Variants in TRIP13 observed in about 807,000 individuals in gnomAD.
The protein encoded by TRIP13 is thyroid hormone receptor interactor 13.
In TRIP13, 25 loss-of-function variants were observed where a neutral mutation model predicts 54.4. That is an observed-to-expected ratio of 0.46 (90% CI 0.33 to 0.64). The LOEUF is 0.64. Among genes scored for constraint, TRIP13 ranks in the 30% least tolerant of loss-of-function variants. The pLI, the probability that TRIP13 is intolerant of heterozygous loss-of-function variation, is 0.02. For synonymous variants in TRIP13, 207 were observed against 207.8 expected (o/e 1.00, Z 0.03); for missense variants, 373 against 534.2 (o/e 0.70, Z 2.97).
rs1039272970 is a variant in TRIP13, at chr5:912,380, C to T, written c.1020+384C>T. 3.3e-5 allele frequency among the ~76,000 whole-genome samples: 5 copies of T among 152,134 alleles called. No individual in the cohort carries two copies. Among genetic ancestry groups the T allele is most frequent in the Admixed American group, 6.5e-5 (1 of 15,276 alleles). ...TCCTTACCTGAAAGAGGAAACATCA[C>T]GGGCGTAGTATGGGCCTGGTTTTGG... On this transcript the variant is annotated intron_variant, in intron 10 of 12. Coordinates refer to ENST00000166345, the MANE Select transcript of TRIP13 (RefSeq NM_004237.4). The surrounding 1 kb of genome is among the most constrained non-coding windows in gnomAD (Gnocchi z 7.2).
In TRIP13 at chr5:908,301, G is replaced by T. The variant is rs1478196994; in HGVS notation, c.760-54G>T. The T allele has an allele frequency of 3.8e-6, 6 of 1,583,674 alleles. No individual in the cohort carries two copies. The Admixed American group carries it at 8.3e-5, about 22-fold the overall frequency. On this transcript the variant is annotated intron_variant, in intron 8 of 12. Coordinates refer to ENST00000166345, the MANE Select transcript of TRIP13 (RefSeq NM_004237.4). This position sits in a 1 kb window ranked among gnomAD's most constrained non-coding sequence, Gnocchi z 5.2. ...CTCAGCGGGACGTATCCCCATAGCT[G>T]CCTGTGAAGTGCCAGGCCCTGTCCT...
In TRIP13 at chr5:916,920, A is replaced by C. The variant is rs1754353084; in HGVS notation, c.1204-88A>C. On this transcript the variant is annotated intron_variant, in intron 12 of 12. Transcript: ENST00000166345. ...TACCACCCCCTTCTGTGCTATCTGC[A>C]CTGTGGGTGGCGGCAGGGGCTGTGG... 6.0e-6 allele frequency: 7 copies of C among 1,173,688 alleles called. No individual in the cohort carries two copies. The Admixed American group carries it at 1.4e-4, about 24-fold the overall frequency. 72.7% of individuals were successfully genotyped at this position (1,173,688 alleles called of 1,614,324 possible).
chr5:905,848 T>C (rs1754103645), intron 6 of TRIP13, among the ~76,000 whole-genome samples: 1 of 152,264 alleles, frequency 6.6e-6, no homozygotes, highest in Non-Finnish European at 1.5e-5. Context: ...AATTGCTTTA[T>C]TTTGACCCCT....
At chr5:895,489 A>G (rs1753894322) in intron 2 of TRIP13, among the ~76,000 whole-genome samples, 1 of 126,310 alleles carries the variant, frequency 7.9e-6, no homozygotes, top group Non-Finnish European at 1.6e-5. Context: ...CCTAAGGAAG[A>G]CTTATCACTT....
intron 6 of TRIP13, among the ~76,000 whole-genome samples, chr5:906,221 A>T (rs2150687006): frequency 6.6e-6 from 1 of 152,334 alleles, no homozygotes; most frequent in South Asian, 2.1e-4. Flanking sequence ...CTAGGGGCAG[A>T]GAGGGCAACA....
Position 913,877 on chromosome 5 carries a change from G to T in TRIP13, c.1021-588G>T, listed in dbSNP as rs1160742627. 1.8e-4 allele frequency among the ~76,000 whole-genome samples: 27 copies of T among 152,176 alleles called. No individual in the cohort carries two copies. The highest frequency in any genetic ancestry group is 1.8e-3 in the Admixed American group (27 of 15,282). On this transcript the variant is annotated intron_variant, in intron 10 of 12. Transcript: ENST00000166345. The surrounding 1 kb of genome is among the most constrained non-coding windows in gnomAD (Gnocchi z 4.5). ...TCAGAACGGTTCGTATTAGAATTCA[G>T]TCATAGTAAGTCAGTGTGCGCACCT... is the stretch of plus-strand genomic sequence containing the variant.
intron 11 of TRIP13, among the ~76,000 whole-genome samples, chr5:914,917 G>A (rs538761571): frequency 1.3e-5 from 2 of 152,300 alleles, no homozygotes; most frequent in African/African-American, 4.8e-5. Flanking sequence ...GGGTGGAAGG[G>A]AAGGTAGGAA....
At position 912,440 on chromosome 5, in the gene TRIP13, G is replaced by T. The variant is rs970538600; in HGVS notation, c.1020+444G>T. ...CCACATGACGTCACGTTCTTGAGTC[G>T]CCTGTTGTGATGATAGGCAGGAACA... On this transcript the variant is annotated intron_variant, in intron 10 of 12. Coordinates refer to ENST00000166345, the MANE Select transcript of TRIP13 (RefSeq NM_004237.4). The surrounding 1 kb of genome is among the most constrained non-coding windows in gnomAD (Gnocchi z 7.2). Among the ~76,000 whole-genome samples the T allele has an allele frequency of 1.3e-5, 2 of 152,118 alleles. No homozygotes were observed. Among genetic ancestry groups the T allele is most frequent in the Non-Finnish European group, 2.9e-5 (2 of 68,032 alleles).
Position 893,104 on chromosome 5 carries a change from G to C in TRIP13, c.92+14G>C, listed in dbSNP as rs1362200174. The C allele has an allele frequency of 3.2e-6, 5 of 1,578,928 alleles. No individual in the cohort carries two copies. The South Asian group carries it at 5.8e-5, about 18-fold the overall frequency. On this transcript the variant is annotated intron_variant, in intron 1 of 12. Transcript: ENST00000166345. Reference sequence around the variant, plus strand: ...GCGCGGCAGCAGGTGAGCCGGACCTGTCCGACACATCCTCTGGGCACCCAC... The same window carrying C: ...GCGCGGCAGCAGGTGAGCCGGACCTCTCCGACACATCCTCTGGGCACCCAC...
At position 914,462 on chromosome 5, in the gene TRIP13, C is replaced by A; in HGVS notation, c.1021-3C>A. ...CTAACCGCCTGTACTTCTGTCTCCCCAGTGTCAGATCATATACCCTCGCCA... is the reference window on the plus strand; with the variant it reads ...CTAACCGCCTGTACTTCTGTCTCCCAAGTGTCAGATCATATACCCTCGCCA... On this transcript the variant is annotated splice_region_variant and splice_polypyrimidine_tract_variant and intron_variant, in intron 10 of 12. Coordinates refer to ENST00000166345, the MANE Select transcript of TRIP13 (RefSeq NM_004237.4). The A allele has an allele frequency of 6.2e-7, 1 of 1,608,376 alleles. No individual in the cohort carries two copies. Among genetic ancestry groups the A allele is most frequent in the South Asian group, 1.1e-5 (1 of 90,926 alleles).
rs1754169246 is a variant in TRIP13, at chr5:908,716, T to C, written c.866+255T>C. 3.3e-6 allele frequency: 4 copies of C among 1,199,914 alleles called. No individual in the cohort carries two copies. In the Admixed American group the frequency reaches 1.0e-4, roughly 31 times the overall value. The allele number at this position is 1,199,914 out of a possible 1,614,324, so 74.3% of individuals were successfully genotyped here. Reference sequence around the variant, plus strand: ...GCTCACACCTGTAATCCCAGCACTTTGGGAGGCCGAGGCAGGCGGATCACA... The same window carrying C: ...GCTCACACCTGTAATCCCAGCACTTCGGGAGGCCGAGGCAGGCGGATCACA... On this transcript the variant is annotated intron_variant, in intron 9 of 12. Transcript: ENST00000166345. The surrounding 1 kb of genome is among the most constrained non-coding windows in gnomAD (Gnocchi z 5.2).
chr5:900,622 C>G, intron 4 of TRIP13, 73 bp downstream of exon 4: 2 of 1,528,694 alleles, frequency 1.3e-6, no homozygotes, highest in Non-Finnish European at 1.8e-6. Flanking sequence ...CTCTCCAACA[C>G]CCCTGAGCAA....
chr5:915,881 T>G lies in TRIP13; in HGVS notation c.1134-23T>G, dbSNP rs775598453. The G allele has an allele frequency of 6.8e-6, 11 of 1,613,878 alleles. No individual in the cohort carries two copies. In the South Asian group the frequency reaches 1.1e-4, roughly 16 times the overall value. On this transcript the variant is annotated intron_variant, in intron 11 of 12. Transcript: ENST00000166345. The surrounding 1 kb of genome is among the most constrained non-coding windows in gnomAD (Gnocchi z 4.2). Reference sequence around the variant, plus strand: ...GTGTGATTGTATAAATTGCTGTCTCTGAACTGGGTTTTCTTTACACAGGAA... The same window carrying G: ...GTGTGATTGTATAAATTGCTGTCTCGGAACTGGGTTTTCTTTACACAGGAA...
chr5:912,002 T>C lies in TRIP13; in HGVS notation c.1020+6T>C. 6.3e-7 allele frequency: 1 copy of C among 1,594,202 alleles called. No individual in the cohort carries two copies. The highest frequency in any genetic ancestry group is 8.5e-7 in the Non-Finnish European group (1 of 1,174,950). On this transcript the variant is annotated splice_donor_region_variant and intron_variant, in intron 10 of 12. Transcript: ENST00000166345. This position sits in a 1 kb window ranked among gnomAD's most constrained non-coding sequence, Gnocchi z 7.2. ...GTTTGGAAGAACTGATGAAGGTACC[T>C]TTATTTTTTTTTTCCTCTTGATACA... is the stretch of plus-strand genomic sequence containing the variant.
At chr5:902,925 A>G (rs925241742) in intron 5 of TRIP13, among the ~76,000 whole-genome samples, 3 of 152,232 alleles carry the variant, frequency 2.0e-5, no homozygotes, top group African/African-American at 4.8e-5. Context: ...TTATTTCTGC[A>G]TATCAGAGAC....
At chr5:910,682 C>T (rs547496072) in intron 9 of TRIP13, among the ~76,000 whole-genome samples, 1 of 152,326 alleles carries the variant, frequency 6.6e-6, no homozygotes, top group South Asian at 2.1e-4. Context: ...CTGGTTCCAG[C>T]CCCTCTCTAG....
In TRIP13 at chr5:893,072, T is replaced by C; in HGVS notation, c.74T>C (p.Val25Ala). 1 of 1,596,360 alleles carries C rather than the reference T, an allele frequency of 6.3e-7. No homozygotes were observed. The highest frequency in any genetic ancestry group is 8.5e-7 in the Non-Finnish European group (1 of 1,176,418). ...VAESPTVHVE[V>A]HQRGSSTAKK... ...GAGTCGCCAACGGTCCACGTGGAGG[T>C]GCATCAGCGCGGCAGCAGGTGAGCC... Residue 25 changes from valine (V) to alanine (A), a missense_variant, in exon 1 of 13, where the codon GTG (valine) becomes GCG (alanine). Physicochemically the swap from Val to Ala is moderately conservative, Grantham distance 64. This residue lies in a region of TRIP13 where 151 missense variants were observed against 151.9 expected (regional missense o/e 0.99). Transcript: ENST00000166345.
intron 5 of TRIP13, among the ~76,000 whole-genome samples, chr5:902,453 T>C (rs1397685752): frequency 6.6e-6 from 1 of 152,262 alleles, no homozygotes; most frequent in Non-Finnish European, 1.5e-5. Flanking sequence ...TGTTTCTGTT[T>C]GGAACCAGTT....
rs1754301321 is a variant in TRIP13, at chr5:914,425, C to T, written c.1021-40C>T. On this transcript the variant is annotated intron_variant, in intron 10 of 12. Coordinates refer to ENST00000166345, the MANE Select transcript of TRIP13 (RefSeq NM_004237.4). ...GCTGACGGTGCCTACGCTCAGGCCT[C>T]TGTGGACTCAGCTAACCGCCTGTAC... 3 of 1,496,256 alleles carry T rather than the reference C, an allele frequency of 2.0e-6. No homozygotes were observed. In the South Asian group the frequency reaches 3.4e-5, roughly 17 times the overall value. The allele number at this position is 1,496,256 out of a possible 1,614,324, so 92.7% of individuals were successfully genotyped here. A position where few individuals can be genotyped will look rare whatever the true frequency, so the allele number is the denominator to read the frequency against.
Sources: gnomAD v4.1 joint callset for allele counts (sites outside exome capture counted in the v4.1 genomes callset) on GRCh38, gnomAD v4.1.1 for gene constraint, gnomAD v4.1.1 regional missense constraint, Gnocchi (gnomAD v3.1) non-coding constraint, MANE v1.5 for transcripts, NCBI Gene and HGNC (gene_info 2026-07-23, HGNC 2026-07-21) for gene names.